Variants in ZNF678 observed in about 807,000 individuals in gnomAD.
The protein encoded by ZNF678 is hypothetical protein MGC42493.
A neutral mutation model predicts 3.0 loss-of-function variants in ZNF678; 5 were observed. That is an observed-to-expected ratio of 1.69 (90% CI 0.88 to 3.56). The LOEUF (loss-of-function observed/expected upper bound fraction) is 3.56. Ranked by LOEUF, ZNF678 falls within the 30% of genes most tolerant of loss-of-function variation. The pLI is 0.00. For synonymous variants in ZNF678, 218 were observed against 199.6 expected (o/e 1.09, Z -0.78); for missense variants, 593 against 605.0 (o/e 0.98, Z 0.21).
chr1:227,609,808 A>G (rs1558142156), intron 1 of ZNF678, among the ~76,000 whole-genome samples: 2 of 151,526 alleles, frequency 1.3e-5, no homozygotes, highest in Non-Finnish European at 2.9e-5. Context: ...ATCTCGGCTC[A>G]CTGCAACCTC....
chr1:227,582,850 T>G (rs185889463), intron 1 of ZNF678, among the ~76,000 whole-genome samples: 101 of 152,318 alleles, frequency 6.6e-4, no homozygotes, highest in African/African-American at 2.4e-3. Flanking sequence ...ATTATTTACT[T>G]ACTGCACTGT....
intron 5 of ZNF678, among the ~76,000 whole-genome samples, chr1:227,669,748 G>T (rs2102820040): frequency 6.6e-6 from 1 of 152,190 alleles, no homozygotes. Flanking sequence ...ATACCCCGTT[G>T]GTGAGAATGT....
chr1:227,651,010 T>A lies in ZNF678; in HGVS notation c.19T>A (p.Cys7Ser). ...ATTGATAATGGGCACAATATCACTT[T>A]GCATTGGTGTCTGTGCATTTGAAGG... MGTISL[C>S]IGVCAFEGAN... is the part of the protein sequence containing the mutation. The change falls in exon 3 of 4, where the codon TGC (cysteine) becomes AGC (serine). Residue 7 changes from cysteine (C) to serine (S), a missense_variant. By Grantham distance (112) the Cys-to-Ser change is moderately radical (BLOSUM62 -1). Coordinates refer to ENST00000343776, the MANE Select transcript of ZNF678 (RefSeq NM_001367909.1). The A allele has an allele frequency of 6.2e-7, 1 of 1,613,200 alleles. No individual in the cohort carries two copies.
intron 1 of ZNF678, among the ~76,000 whole-genome samples, chr1:227,627,358 T>C (rs1364922397): frequency 1.3e-5 from 2 of 152,090 alleles, no homozygotes; most frequent in Non-Finnish European, 2.9e-5. Flanking sequence ...CTGCTGAGTA[T>C]TGGGGCTTGG....
chr1:227,609,048 G>A (rs1217881626), intron 1 of ZNF678, among the ~76,000 whole-genome samples: 6 of 152,018 alleles, frequency 3.9e-5, no homozygotes, highest in South Asian at 2.1e-4. Context: ...TTTCCAAAAC[G>A]TCAAATACTA....
intron 1 of ZNF678, among the ~76,000 whole-genome samples, chr1:227,589,646 AG>A (rs1657357141): frequency 6.6e-6 from 1 of 151,672 alleles, no homozygotes; most frequent in Admixed American, 6.6e-5. Context: ...TTGAGCAAGC[AG>A]GGGGTGCATG....
chr1:227,615,353 T>C (rs1326432954), intron 1 of ZNF678, among the ~76,000 whole-genome samples: 1 of 152,220 alleles, frequency 6.6e-6, no homozygotes, highest in Non-Finnish European at 1.5e-5. Context: ...AGCCTACGCC[T>C]TTTGGAAACA....
intron 1 of ZNF678, among the ~76,000 whole-genome samples, chr1:227,604,907 G>C (rs1657825755): frequency 6.6e-6 from 1 of 151,864 alleles, no homozygotes; most frequent in Non-Finnish European, 1.5e-5. Flanking sequence ...CCAGGCTGAA[G>C]TGCAGTGGTG....
At chr1:227,636,184 T>G (rs1658674943) in intron 1 of ZNF678, among the ~76,000 whole-genome samples, 1 of 152,176 alleles carries the variant, frequency 6.6e-6, no homozygotes, top group Non-Finnish European at 1.5e-5. Context: ...TACCAGTGTT[T>G]TAAATCCTCC....
At chr1:227,595,998 T>C (rs1657576294) in intron 1 of ZNF678, among the ~76,000 whole-genome samples, 1 of 152,314 alleles carries the variant, frequency 6.6e-6, no homozygotes, top group East Asian at 1.9e-4. Flanking sequence ...TCGAGACTAG[T>C]CTTACCAAGT....
Position 227,654,569 on chromosome 1 carries a change from A to G in ZNF678, c.319A>G (p.Ser107Gly). 1 of 1,613,422 alleles carries G rather than the reference A, an allele frequency of 6.2e-7. No homozygotes were observed. The highest frequency in any genetic ancestry group is 8.5e-7 in the Non-Finnish European group (1 of 1,179,574). ...FQCIECGRNF[S>G]WRSILTEHKR... ...ATGTATTGAATGTGGCAGAAATTTT[A>G]GCTGGAGGTCAATCCTTACTGAACA... Residue 107 changes from serine (S) to glycine (G), a missense_variant, in exon 4 of 4, where the codon AGC (serine) becomes GGC (glycine). By Grantham distance (56) the Ser-to-Gly change is moderately conservative. Coordinates refer to ENST00000343776, the MANE Select transcript of ZNF678 (RefSeq NM_001367909.1).
At chr1:227,626,204 C>T (rs1658410919) in intron 1 of ZNF678, among the ~76,000 whole-genome samples, 3 of 152,064 alleles carry the variant, frequency 2.0e-5, no homozygotes, top group African/African-American at 7.2e-5. Context: ...AGTTACTTTC[C>T]TCACGGTTGT....
intron 1 of ZNF678, among the ~76,000 whole-genome samples, chr1:227,593,812 C>A (rs369212612): frequency 1.0e-3 from 153 of 150,432 alleles, no homozygotes; most frequent in African/African-American, 3.6e-3. Context: ...GCCCACAACT[C>A]TGGATGGGGT....
rs1003318203 is a variant in ZNF678, at chr1:227,661,281, G to C, written c.*5453G>C. 2.9e-5 allele frequency: 4 copies of C among 140,264 alleles called. No individual in the cohort carries two copies. Among genetic ancestry groups the C allele is most frequent in the African/African-American group, 1.1e-4 (4 of 37,726 alleles). 8.7% of individuals were successfully genotyped at this position (140,264 alleles called of 1,614,324 possible). A position where few individuals can be genotyped will look rare whatever the true frequency, so the allele number is the denominator to read the frequency against. The stretch of plus-strand genomic sequence containing the variant: ...CGTGGGACCTTTGTTTTTTTTTGTT[G>C]TTTTGTTTTGTTTTGTTTTTGTTGT... On this transcript the variant is annotated 3_prime_UTR_variant, in exon 4 of 4. Transcript: ENST00000343776.
chr1:227,670,644 C>G (rs958342944), intron 5 of ZNF678, among the ~76,000 whole-genome samples: 9 of 152,128 alleles, frequency 5.9e-5, no homozygotes, highest in African/African-American at 2.2e-4. Flanking sequence ...CAGGAATGAT[C>G]AGAAAGGTCT....
At chr1:227,675,277 C>T (rs926448720) in intron 5 of ZNF678, among the ~76,000 whole-genome samples, 1 of 152,142 alleles carries the variant, frequency 6.6e-6, no homozygotes, top group Non-Finnish European at 1.5e-5. Flanking sequence ...AGAAGGTGGC[C>T]ATCTGCAATC....
At chr1:227,606,447 A>G (rs1203796562) in intron 1 of ZNF678, among the ~76,000 whole-genome samples, 1 of 152,238 alleles carries the variant, frequency 6.6e-6, no homozygotes, top group Non-Finnish European at 1.5e-5. Context: ...GCCTCCAGCC[A>G]CAGGGCGGTT....
At chr1:227,600,900 T>C (rs1275460820) in intron 1 of ZNF678, among the ~76,000 whole-genome samples, 1 of 152,178 alleles carries the variant, frequency 6.6e-6, no homozygotes, top group Non-Finnish European at 1.5e-5. Context: ...TACCAGGGTT[T>C]AGTTATGGAT....
At position 227,669,630 on chromosome 1, in the gene ZNF678, CAG is replaced by C. The variant is rs1269207852; in HGVS notation, c.227-7546_227-7545del. ...TGCCACTGCGCGCCAGCCTGGGAGA[CAG>C]AGCGAGACCGTCTCAAAAAAAAAAA... On this transcript the variant is annotated intron_variant, in intron 5 of 5. Coordinates refer to the ZNF678 transcript ENST00000608949. Among the ~76,000 whole-genome samples the C allele has an allele frequency of 2.2e-5, 3 of 138,632 alleles. No individual in the cohort carries two copies. In the East Asian group the frequency reaches 6.3e-4, roughly 29 times the overall value. The allele number at this position is 138,632 out of a possible 152,430, so 90.9% of individuals were successfully genotyped here.
Sources: allele counts gnomAD v4.1 joint callset (sites outside exome capture counted in the v4.1 genomes callset), GRCh38; gene constraint gnomAD v4.1.1; transcripts MANE v1.5; gene names NCBI Gene and HGNC (gene_info 2026-07-23, HGNC 2026-07-21).